The following CAMK2B variants were observed in gnomAD, a reference collection of about 807,000 sequenced individuals.
CAMK2B encodes the protein calcium/calmodulin dependent protein kinase II beta, also known as calcium/calmodulin-dependent protein kinase type II subunit beta.
Under a neutral mutation model 93.7 loss-of-function variants are expected in CAMK2B, and 27 were observed. That is an observed-to-expected ratio of 0.29 (90% CI 0.21 to 0.40). CAMK2B has a LOEUF of 0.40. Among genes scored for constraint, CAMK2B ranks in the 10% least tolerant of loss-of-function variants. The probability of loss-of-function intolerance (pLI) is 1.00; values close to 1 mark genes in which losing one functional copy is unlikely to be tolerated. For synonymous variants in CAMK2B, 374 were observed against 358.8 expected (o/e 1.04, Z -0.48); for missense variants, 568 against 895.8 (o/e 0.63, Z 4.67).
At chr7:44,240,855 G>C (rs902386496) in intron 11 of CAMK2B, 106 bp from the exon 12 acceptor site, 2 of 1,183,118 alleles carry the variant, frequency 1.7e-6, no homozygotes, top group Non-Finnish European at 2.5e-6. Context: ...CAGCCTCATT[G>C]TCATGAGGCT....
chr7:44,296,948 T>C (rs1332695959), intron 1 of CAMK2B, among the ~76,000 whole-genome samples: 1 of 152,108 alleles, frequency 6.6e-6, no homozygotes, highest in Non-Finnish European at 1.5e-5. Flanking sequence ...ATGACATAGT[T>C]CAGAAACTTG....
intron 1 of CAMK2B, among the ~76,000 whole-genome samples, chr7:44,290,708 G>A (rs2129138050): frequency 6.6e-6 from 1 of 152,374 alleles, no homozygotes; most frequent in Non-Finnish European, 1.5e-5. Context: ...GCCAGAGGGG[G>A]AGGTCTTTTA....
intron 1 of CAMK2B, among the ~76,000 whole-genome samples, chr7:44,288,082 T>C (rs1237745243): frequency 6.6e-6 from 1 of 151,538 alleles, no homozygotes; most frequent in African/African-American, 2.4e-5. Context: ...GCCCCTAGAG[T>C]GTCCCAGCAG....
intron 1 of CAMK2B, among the ~76,000 whole-genome samples, chr7:44,290,052 C>T (rs556620625): frequency 6.6e-6 from 1 of 152,318 alleles, no homozygotes; most frequent in Admixed American, 6.5e-5. Flanking sequence ...CATGCGCACA[C>T]ACACATGTGC....
chr7:44,229,116 C>T (rs577708900), intron 18 of CAMK2B, 192 bp from the exon 19 acceptor site: 12 of 670,816 alleles, frequency 1.8e-5, no homozygotes, highest in African/African-American at 1.4e-4. Flanking sequence ...AGGCCTGCAC[C>T]GACCCTGAAG....
At chr7:44,232,922 G>A in intron 15 of CAMK2B, 56 bp from the exon 16 acceptor site, 1 of 1,515,726 alleles carries the variant, frequency 6.6e-7, no homozygotes, top group Non-Finnish European at 9.1e-7. Flanking sequence ...AGAAGAGGAG[G>A]AAGCGGAGAC....
intron 13 of CAMK2B, among the ~76,000 whole-genome samples, chr7:44,235,144 G>A (rs988619566): frequency 3.3e-5 from 5 of 152,204 alleles, no homozygotes; most frequent in South Asian, 2.1e-4. Context: ...GCAGCTGGCC[G>A]CCCACTCAGA....
chr7:44,276,494 G>A (rs77704624), intron 2 of CAMK2B, among the ~76,000 whole-genome samples: 1,929 of 152,282 alleles, frequency 0.013, 42 homozygotes, highest in African/African-American at 0.044. Flanking sequence ...AAGGGGGGGC[G>A]TGCAGGCTTC....
intron 2 of CAMK2B, among the ~76,000 whole-genome samples, chr7:44,272,763 C>A (rs1028932473): frequency 6.6e-6 from 1 of 152,234 alleles, no homozygotes; most frequent in African/African-American, 2.4e-5. Flanking sequence ...TTCCAGGCTA[C>A]ACACTGGGGG....
At chr7:44,252,733 C>A (rs1403752471) in intron 5 of CAMK2B, among the ~76,000 whole-genome samples, 3 of 152,192 alleles carry the variant, frequency 2.0e-5, no homozygotes, top group Non-Finnish European at 4.4e-5. Context: ...CACCAGGGAC[C>A]CTCGAGTCCA....
At chr7:44,279,063 T>C (rs532205443) in intron 2 of CAMK2B, among the ~76,000 whole-genome samples, 3 of 151,972 alleles carry the variant, frequency 2.0e-5, no homozygotes, top group Non-Finnish European at 4.4e-5. Context: ...TCTGAATCAT[T>C]AGAAACACAA....
In CAMK2B at chr7:44,244,537, C is replaced by T. The variant is rs141028202; in HGVS notation, c.415-1010G>A. 1.9e-3 allele frequency among the ~76,000 whole-genome samples: 293 copies of T among 152,208 alleles called. 1 individual carries two copies. Among genetic ancestry groups the T allele is most frequent in the African/African-American group, 6.6e-3 (274 of 41,546 alleles). ...CAGCCTCCCAGGCCACCCCTTTGCC[C>T]TGGTGAGTACCCCGCTGTCCTGGCA... is the stretch of plus-strand genomic sequence containing the variant. On this transcript the variant is annotated intron_variant, in intron 6 of 23. Transcript: ENST00000395749.
intron 4 of CAMK2B, among the ~76,000 whole-genome samples, chr7:44,256,004 C>T (rs2096830195): frequency 7.4e-6 from 1 of 134,596 alleles, no homozygotes; most frequent in Middle Eastern, 3.8e-3. Context: ...TCTGTCCAGG[C>T]TGGGGCTGGG....
chr7:44,220,872 C>A lies in CAMK2B; in HGVS notation c.1627G>T (p.Glu543Ter). The A allele has an allele frequency of 6.4e-7, 1 of 1,573,192 alleles. No homozygotes were observed. The change falls in exon 21 of 24, where the codon GAG (glutamate) becomes TAG (stop). Residue 543 changes from glutamate (E) to a stop codon, truncating the protein, a stop_gained. Coordinates refer to ENST00000395749, the MANE Select transcript of CAMK2B (RefSeq NM_001220.5). LOFTEE classifies it high-confidence loss of function. ...TTGTTGACGGCCTCGATGAGCTGCT[C>A]CGTGGTCTTAATGATCTCCTGCTTC... is the stretch of plus-strand genomic sequence containing the variant. ...SRKQEIIKTT[E>*]QLIEAVNNGD...
chr7:44,304,789 C>G (rs932404517), intron 1 of CAMK2B, among the ~76,000 whole-genome samples: 1 of 152,094 alleles, frequency 6.6e-6, no homozygotes, highest in African/African-American at 2.4e-5. Flanking sequence ...ATCATTGTAA[C>G]AAATATGCCA....
At chr7:44,243,109 CAGGGCAGCTCA>C in intron 8 of CAMK2B, 130 bp downstream of exon 8, 1 of 666,356 alleles carries the variant, frequency 1.5e-6, no homozygotes, top group Non-Finnish European at 2.6e-6. Flanking sequence ...AGACCCCTGC[CAGGGCAGCTCA>C]AGGGCAGGTC....
intron 9 of CAMK2B, 85 bp from the exon 10 acceptor site, chr7:44,242,425 C>T (rs2096688944): frequency 6.4e-7 from 1 of 1,562,302 alleles, no homozygotes; most frequent in Admixed American, 1.8e-5. Flanking sequence ...TCATCTCCAG[C>T]CACGAATCTG....
At chr7:44,260,175 C>T (rs577849626) in intron 3 of CAMK2B, among the ~76,000 whole-genome samples, 2 of 151,280 alleles carry the variant, frequency 1.3e-5, no homozygotes, top group East Asian at 1.9e-4. Context: ...CTCCTAGGTT[C>T]GCAGGTCCCT....
At chr7:44,219,800 C>T (rs2096376067) in intron 23 of CAMK2B, among the ~76,000 whole-genome samples, 1 of 152,222 alleles carries the variant, frequency 6.6e-6, no homozygotes, top group Non-Finnish European at 1.5e-5. Flanking sequence ...GGCCCATCCA[C>T]CTGCAACCCA....
Sources: allele counts gnomAD v4.1 joint callset (sites outside exome capture counted in the v4.1 genomes callset), GRCh38; gene constraint gnomAD v4.1.1; transcripts MANE v1.5; gene names NCBI Gene and HGNC (gene_info 2026-07-23, HGNC 2026-07-21).